SUFU: variants seen among roughly 807,000 people sequenced by gnomAD.
SUFU encodes the protein SUFU negative regulator of hedgehog signaling.
SUFU carries 7 observed loss-of-function variants against 58.9 expected under a neutral mutation model. That is an observed-to-expected ratio of 0.12 (90% CI 0.07 to 0.22). The LOEUF (loss-of-function observed/expected upper bound fraction) is 0.22, where lower values mean the gene tolerates loss of function less well. Ranked by LOEUF, SUFU falls within the 10% of genes least tolerant of loss-of-function variation. The pLI is 1.00. For missense variants in SUFU, 451 were observed against 641.3 expected, an observed-to-expected ratio of 0.70 and a Z score of 3.20; for synonymous variants, 232 against 254.8, an observed-to-expected ratio of 0.91 and a Z score of 0.85.
At chr10:102,549,040 A>C (rs2135740807) in intron 2 of SUFU, among the ~76,000 whole-genome samples, 1 of 152,228 alleles carries the variant, frequency 6.6e-6, no homozygotes, top group African/African-American at 2.4e-5. Flanking sequence ...TTCAGGAAGA[A>C]TATGGGCCCA....
intron 8 of SUFU, among the ~76,000 whole-genome samples, chr10:102,603,651 A>C (rs4919664): frequency 0.45 from 68,957 of 151,986 alleles, 16,046 homozygotes; most frequent in East Asian, 0.68. Context: ...CCTTAATTTC[A>C]TGGAGAATTA....
intron 3 of SUFU, among the ~76,000 whole-genome samples, chr10:102,564,398 T>C (rs1428505179): frequency 6.6e-6 from 1 of 151,864 alleles, no homozygotes; most frequent in African/African-American, 2.4e-5. Context: ...AGTGGTGTGA[T>C]CTCGGCTTAC....
At chr10:102,591,783 G>A (rs2063405443) in intron 3 of SUFU, among the ~76,000 whole-genome samples, 1 of 152,200 alleles carries the variant, frequency 6.6e-6, no homozygotes, top group Non-Finnish European at 1.5e-5. Flanking sequence ...GTCAGAGCTG[G>A]TGAGAGACTT....
At chr10:102,594,667 T>C (rs3936017) in intron 6 of SUFU, among the ~76,000 whole-genome samples, 69,037 of 152,054 alleles carry the variant, frequency 0.45, 16,072 homozygotes, top group East Asian at 0.68. Flanking sequence ...TTTGCTGTTT[T>C]AGAAGCATTC....
chr10:102,584,866 A>G (rs1013254395), intron 3 of SUFU, among the ~76,000 whole-genome samples: 2 of 152,246 alleles, frequency 1.3e-5, no homozygotes, highest in Non-Finnish European at 2.9e-5. Flanking sequence ...GTGTTGGGCC[A>G]TGCCCATCAT....
intron 6 of SUFU, 112 bp downstream of exon 6, chr10:102,594,177 A>C: frequency 9.4e-7 from 1 of 1,062,756 alleles, no homozygotes; most frequent in Non-Finnish European, 1.4e-6. Flanking sequence ...AGTGAGTAGA[A>C]ATATGGCATC....
intron 8 of SUFU, among the ~76,000 whole-genome samples, chr10:102,604,991 G>A (rs1343438487): frequency 7.0e-6 from 1 of 142,906 alleles, no homozygotes; most frequent in African/African-American, 2.6e-5. Context: ...GAGTGCAGTG[G>A]CACAATCTCG....
chr10:102,513,840 A>G (rs1273240314), intron 2 of SUFU, among the ~76,000 whole-genome samples: 1 of 152,140 alleles, frequency 6.6e-6, no homozygotes, highest in African/African-American at 2.4e-5. Flanking sequence ...TATTTACTTC[A>G]TGTTCCTTTT....
At chr10:102,592,449 G>T in intron 3 of SUFU, 133 bp from the exon 4 acceptor site, 1 of 989,996 alleles carries the variant, frequency 1.0e-6, no homozygotes, top group Non-Finnish European at 1.6e-6. Flanking sequence ...CGGAGTGAAT[G>T]CTTCTCTTCC....
intron 2 of SUFU, among the ~76,000 whole-genome samples, chr10:102,549,012 G>A (rs2062881974): frequency 6.6e-6 from 1 of 152,204 alleles, no homozygotes; most frequent in Admixed American, 6.5e-5. Flanking sequence ...ATTGAGGAGT[G>A]TGTGTTGGGT....
In SUFU at chr10:102,619,477, T is replaced by C; in HGVS notation, c.1296+2049T>C. 1 of 1,237,172 alleles carries C rather than the reference T, an allele frequency of 8.1e-7. No individual in the cohort carries two copies. Among genetic ancestry groups the C allele is most frequent in the South Asian group, 2.1e-5 (1 of 48,516 alleles). The allele number at this position is 1,237,172 out of a possible 1,614,324, so 76.6% of individuals were successfully genotyped here. A position where few individuals can be genotyped will look rare whatever the true frequency, so the allele number is the denominator to read the frequency against. On this transcript the variant is annotated intron_variant, in intron 10 of 11. Coordinates refer to ENST00000369902, the MANE Select transcript of SUFU (RefSeq NM_016169.4). The surrounding 1 kb of genome is among the most constrained non-coding windows in gnomAD (Gnocchi z 4.2). ...GGAGCTACTCAATCAAAGGCCTGTG[T>C]TATGGGCTCATTAGTGTGGTCCACC... is the stretch of plus-strand genomic sequence containing the variant.
intron 10 of SUFU, among the ~76,000 whole-genome samples, chr10:102,621,590 G>T (rs769337596): frequency 6.6e-6 from 1 of 152,144 alleles, no homozygotes; most frequent in Non-Finnish European, 1.5e-5. Flanking sequence ...TGGAGTGGGG[G>T]TGGGAGGGAA....
intron 1 of SUFU, 58 bp downstream of exon 1, chr10:102,504,392 G>C (rs2062295839): frequency 6.2e-7 from 1 of 1,601,344 alleles, no homozygotes; most frequent in Non-Finnish European, 8.5e-7. Flanking sequence ...TTAAAGCGCC[G>C]AGGGCGAAGT....
intron 3 of SUFU, 76 bp downstream of exon 3, chr10:102,550,182 T>G (rs1376820218): frequency 8.1e-6 from 13 of 1,600,830 alleles, no homozygotes. Flanking sequence ...AGCAGCTATA[T>G]TTTGATGTTT....
At chr10:102,534,173 A>G (rs1238413382) in intron 2 of SUFU, among the ~76,000 whole-genome samples, 1 of 152,190 alleles carries the variant, frequency 6.6e-6, no homozygotes, top group Non-Finnish European at 1.5e-5. Context: ...TCACGCCTGT[A>G]ATCCCAGCAC....
At chr10:102,547,759 C>G (rs940734450) in intron 2 of SUFU, among the ~76,000 whole-genome samples, 1 of 151,696 alleles carries the variant, frequency 6.6e-6, no homozygotes, top group African/African-American at 2.4e-5. Context: ...GAGGTCAAGG[C>G]TACAGTGAGC....
chr10:102,615,800 C>T (rs1028307728), intron 9 of SUFU, among the ~76,000 whole-genome samples: 1 of 152,208 alleles, frequency 6.6e-6, no homozygotes, highest in East Asian at 1.9e-4. Flanking sequence ...CTGTCTAGCC[C>T]AGAGCAGCAA....
At chr10:102,503,867 T>G (rs73336657), upstream of SUFU, 7,967 of 409,614 alleles carry the variant, frequency 0.019, 560 homozygotes, top group African/African-American at 0.15. Context: ...AAGTCACACC[T>G]TCCCTGCCTG....
At chr10:102,616,340 C>G (rs1347768997) in intron 9 of SUFU, among the ~76,000 whole-genome samples, 1 of 152,256 alleles carries the variant, frequency 6.6e-6, no homozygotes, top group Admixed American at 6.5e-5. Flanking sequence ...ACTCACAGAA[C>G]AGTGACAGGG....
Sources: gnomAD v4.1 joint callset for allele counts (sites outside exome capture counted in the v4.1 genomes callset) on GRCh38, gnomAD v4.1.1 for gene constraint, Gnocchi (gnomAD v3.1) non-coding constraint, MANE v1.5 for transcripts, NCBI Gene and HGNC (gene_info 2026-07-23, HGNC 2026-07-21) for gene names.